PDGFC: variants seen among roughly 807,000 people sequenced by gnomAD.
PDGFC encodes platelet-derived growth factor C.
In PDGFC, 12 loss-of-function variants were observed where a neutral mutation model predicts 35.5. That is an observed-to-expected ratio of 0.34 (90% CI 0.22 to 0.55). PDGFC has a LOEUF of 0.55. Ranked by LOEUF, PDGFC falls within the 20% of genes least tolerant of loss-of-function variation. The pLI, the probability that PDGFC is intolerant of heterozygous loss-of-function variation, is 0.91. For missense variants in PDGFC, 322 were observed against 412.4 expected (o/e 0.78, Z 1.90); for synonymous variants, 159 against 148.8 (o/e 1.07, Z -0.50).
intron 1 of PDGFC, among the ~76,000 whole-genome samples, chr4:156,855,005 T>A (rs901415090): frequency 6.6e-6 from 1 of 151,774 alleles, no homozygotes; most frequent in Non-Finnish European, 1.5e-5. Flanking sequence ...AAGGTAGAGG[T>A]ACTGGAAACT....
intron 4 of PDGFC, among the ~76,000 whole-genome samples, chr4:156,771,700 C>T (rs1730697794): frequency 6.6e-6 from 1 of 152,110 alleles, no homozygotes. Context: ...AATCGGGTTT[C>T]CTTCTGACAA....
chr4:156,873,929 T>A lies in PDGFC; in HGVS notation c.119-23513A>T, dbSNP rs151123727. On this transcript the variant is annotated intron_variant, in intron 1 of 5. Coordinates refer to ENST00000502773, the MANE Select transcript of PDGFC (RefSeq NM_016205.3). Reference sequence around the variant, plus strand: ...ACATCCCAGTCCTCCAAAAGATCGTTCCCTTACTCACTAAATTGTCTGAAG... The same window carrying A: ...ACATCCCAGTCCTCCAAAAGATCGTACCCTTACTCACTAAATTGTCTGAAG... 2.6e-5 allele frequency: 4 copies of A among 152,320 alleles called. No individual in the cohort carries two copies. The East Asian group carries it at 7.7e-4, about 29-fold the overall frequency. 9.4% of individuals were successfully genotyped at this position (152,320 alleles called of 1,614,324 possible). A position where few individuals can be genotyped will look rare whatever the true frequency, so the allele number is the denominator to read the frequency against.
chr4:156,942,899 A>G (rs776910425), intron 1 of PDGFC, among the ~76,000 whole-genome samples: 1 of 152,046 alleles, frequency 6.6e-6, no homozygotes, highest in Non-Finnish European at 1.5e-5. Flanking sequence ...GCTTAGTAAT[A>G]TGTGTTAGAC....
At chr4:156,780,089 T>A (rs1370214501) in intron 3 of PDGFC, among the ~76,000 whole-genome samples, 1 of 148,820 alleles carries the variant, frequency 6.7e-6, no homozygotes, top group East Asian at 2.0e-4. Flanking sequence ...ATGGCATCTG[T>A]GGGAAGCCAA....
chr4:156,952,399 T>A (rs1295591416), intron 1 of PDGFC, among the ~76,000 whole-genome samples: 1 of 151,818 alleles, frequency 6.6e-6, no homozygotes, highest in Non-Finnish European at 1.5e-5. Context: ...ACGTAGAAAA[T>A]CAAACAGAAA....
chr4:156,844,439 G>T (rs1729276939), intron 2 of PDGFC, among the ~76,000 whole-genome samples: 1 of 151,972 alleles, frequency 6.6e-6, no homozygotes, highest in African/African-American at 2.4e-5. Context: ...TAATAGAATA[G>T]AATCCAAAAT....
At chr4:156,925,555 TGAA>T (rs1731388714) in intron 1 of PDGFC, among the ~76,000 whole-genome samples, 1 of 150,976 alleles carries the variant, frequency 6.6e-6, no homozygotes, top group Non-Finnish European at 1.5e-5. Flanking sequence ...GGAAAGAAAA[TGAA>T]GAGTTTGTTT....
Position 156,840,950 on chromosome 4 carries a change from C to T in PDGFC, c.314+9271G>A, listed in dbSNP as rs139682533. Among the ~76,000 whole-genome samples the T allele has an allele frequency of 2.3e-3, 346 of 152,184 alleles. 1 individual carries two copies. The highest frequency in any genetic ancestry group is 7.9e-3 in the African/African-American group (329 of 41,508). On this transcript the variant is annotated intron_variant, in intron 2 of 5. Transcript: ENST00000502773. ...TTGGAATGGGTGTATTTAATCAATG[C>T]CTGTACCCCCATTGTATCTAGGAAG...
chr4:156,941,062 T>A (rs573453734), intron 1 of PDGFC, among the ~76,000 whole-genome samples: 161 of 152,286 alleles, frequency 1.1e-3, no homozygotes, highest in African/African-American at 3.5e-3. Context: ...TTCAACAGTC[T>A]TCACAGGTGT....
intron 1 of PDGFC, among the ~76,000 whole-genome samples, chr4:156,906,295 T>A (rs1259602307): frequency 6.6e-6 from 1 of 152,166 alleles, no homozygotes; most frequent in South Asian, 2.1e-4. Flanking sequence ...CTTTTTTCCA[T>A]TTCAATTATA....
chr4:156,852,618 T>C (rs1364905), intron 1 of PDGFC, among the ~76,000 whole-genome samples: 154 of 152,238 alleles, frequency 1.0e-3, no homozygotes, highest in Middle Eastern at 3.4e-3. Flanking sequence ...ATCCTCTCCT[T>C]GAGTGTGTGA....
At chr4:156,859,883 C>T (rs565088313) in intron 1 of PDGFC, among the ~76,000 whole-genome samples, 7 of 151,926 alleles carry the variant, frequency 4.6e-5, no homozygotes, top group Non-Finnish European at 1.0e-4. Flanking sequence ...TATCATCTAG[C>T]TGGCCTATAA....
At chr4:156,962,243 C>T (rs1338306110) in intron 1 of PDGFC, among the ~76,000 whole-genome samples, 2 of 152,114 alleles carry the variant, frequency 1.3e-5, no homozygotes, top group East Asian at 3.9e-4. Context: ...TTGTCTCTCG[C>T]CCATGATATA....
rs546831633 is a variant in PDGFC, at chr4:156,897,974, T to C, written c.119-47558A>G. ...TCTCAAAAACCATGTATTTTGCATG[T>C]AAGAAGATGAACTGGAGTAGTAGAG... On this transcript the variant is annotated intron_variant, in intron 1 of 5. Transcript: ENST00000502773. Among the ~76,000 whole-genome samples the C allele has an allele frequency of 3.9e-5, 6 of 152,292 alleles. No individual in the cohort carries two copies. In the South Asian group the frequency reaches 1.2e-3, roughly 32 times the overall value.
intron 3 of PDGFC, chr4:156,774,573 CT>C (rs1272402504): frequency 6.6e-5 from 10 of 152,042 alleles, no homozygotes; most frequent in African/African-American, 2.4e-4. Context: ...GGGTGTCCCG[CT>C]GCCCACAGGG....
At chr4:156,796,221 C>G (rs565938490) in intron 3 of PDGFC, among the ~76,000 whole-genome samples, 50 of 152,090 alleles carry the variant, frequency 3.3e-4, no homozygotes, top group African/African-American at 1.2e-3. Flanking sequence ...AAAATTATAC[C>G]CTCCTTCTTG....
intron 1 of PDGFC, among the ~76,000 whole-genome samples, chr4:156,920,978 G>C (rs1180375580): frequency 6.6e-6 from 1 of 152,110 alleles, no homozygotes; most frequent in Non-Finnish European, 1.5e-5. Flanking sequence ...AAGTGGAGAT[G>C]AAAAATGGAT....
intron 1 of PDGFC, among the ~76,000 whole-genome samples, chr4:156,965,992 G>T (rs556105066): frequency 6.6e-6 from 1 of 152,164 alleles, no homozygotes; most frequent in African/African-American, 2.4e-5. Flanking sequence ...GCTTCATCAC[G>T]TGTTGGTCCA....
intron 3 of PDGFC, among the ~76,000 whole-genome samples, chr4:156,801,653 T>C (rs1731615769): frequency 1.3e-5 from 2 of 152,180 alleles, no homozygotes; most frequent in African/African-American, 4.8e-5. Context: ...AATATTTTAT[T>C]AATCAAATAT....
Sources: gnomAD v4.1 joint callset for allele counts (sites outside exome capture counted in the v4.1 genomes callset) on GRCh38, gnomAD v4.1.1 for gene constraint, MANE v1.5 for transcripts, NCBI Gene and HGNC (gene_info 2026-07-23, HGNC 2026-07-21) for gene names.